The following SGK1 variants were observed in gnomAD, a reference collection of about 807,000 sequenced individuals.
The protein encoded by SGK1 is serum/glucocorticoid regulated kinase 1.
In SGK1, 26 loss-of-function variants were observed where a neutral mutation model predicts 64.2. That is an observed-to-expected ratio of 0.40 (90% CI 0.30 to 0.56). The LOEUF is 0.56. Among genes scored for constraint, SGK1 ranks in the 20% least tolerant of loss-of-function variants. The probability of loss-of-function intolerance (pLI) is 0.38; values close to 1 mark genes in which losing one functional copy is unlikely to be tolerated. For synonymous variants in SGK1, 265 were observed against 239.7 expected, an observed-to-expected ratio of 1.11 and a Z score of -0.98; for missense variants, 519 against 645.6, an observed-to-expected ratio of 0.80 and a Z score of 2.12.
At chr6:134,281,489 T>C (rs1777093940) in intron 1 of SGK1, among the ~76,000 whole-genome samples, 1 of 151,494 alleles carries the variant, frequency 6.6e-6, no homozygotes, top group Admixed American at 6.6e-5. Flanking sequence ...CAGTTAGCTT[T>C]CCAAAGATAA....
chr6:134,222,731 ACT>A (rs1355641657), intron 2 of SGK1, among the ~76,000 whole-genome samples: 10 of 151,760 alleles, frequency 6.6e-5, no homozygotes, highest in Non-Finnish European at 1.5e-5. Flanking sequence ...AATCTTCAAA[ACT>A]CTTTTCAAAT....
intron 2 of SGK1, among the ~76,000 whole-genome samples, chr6:134,228,387 ATTAG>A (rs1205937546): frequency 6.6e-6 from 1 of 152,224 alleles, no homozygotes; most frequent in Non-Finnish European, 1.5e-5. Flanking sequence ...TATGGTTAAT[ATTAG>A]TTAGAAGTAA....
intron 2 of SGK1, among the ~76,000 whole-genome samples, chr6:134,250,374 A>T (rs1202481872): frequency 1.3e-5 from 2 of 152,196 alleles, no homozygotes; most frequent in Admixed American, 1.3e-4. Flanking sequence ...ATTTCAGTTG[A>T]TTGTGATGAT....
chr6:134,188,198 T>A (rs937025217), intron 3 of SGK1, among the ~76,000 whole-genome samples: 9 of 152,220 alleles, frequency 5.9e-5, no homozygotes, highest in African/African-American at 2.2e-4. Flanking sequence ...TGAGAATTCA[T>A]GTGGACACAA....
chr6:134,206,631 C>A (rs1775790158), intron 3 of SGK1, among the ~76,000 whole-genome samples: 1 of 150,966 alleles, frequency 6.6e-6, no homozygotes, highest in African/African-American at 2.4e-5. Context: ...CTTTGGGAAG[C>A]CGAGCTCAGC....
intron 1 of SGK1, among the ~76,000 whole-genome samples, chr6:134,313,982 C>T (rs1037951960): frequency 1.3e-5 from 2 of 152,144 alleles, no homozygotes; most frequent in African/African-American, 4.8e-5. Flanking sequence ...TTTTTCCATT[C>T]ATCTTAAATG....
intron 1 of SGK1, among the ~76,000 whole-genome samples, chr6:134,311,580 G>C (rs1435837960): frequency 6.6e-6 from 1 of 152,202 alleles, no homozygotes; most frequent in East Asian, 1.9e-4. Flanking sequence ...GAACCTAGGA[G>C]CCAGAGGTTG....
chr6:134,299,212 A>T (rs1282070378), intron 1 of SGK1, among the ~76,000 whole-genome samples: 1 of 151,936 alleles, frequency 6.6e-6, no homozygotes, highest in African/African-American at 2.4e-5. Context: ...CAAAAAAAAA[A>T]AAAAAAGCCA....
chr6:134,243,327 G>A (rs968252360), intron 2 of SGK1, among the ~76,000 whole-genome samples: 1 of 151,988 alleles, frequency 6.6e-6, no homozygotes, highest in Non-Finnish European at 1.5e-5. Flanking sequence ...CATTTTCATT[G>A]TAAATTCCAG....
At chr6:134,173,687 T>C in intron 5 of SGK1, 121 bp from the exon 6 acceptor site, 1 of 685,870 alleles carries the variant, frequency 1.5e-6, no homozygotes, top group Non-Finnish European at 2.4e-6. Context: ...CATACATCTA[T>C]AAACATTCAA....
intron 3 of SGK1, among the ~76,000 whole-genome samples, chr6:134,206,967 T>G (rs1002138775): frequency 6.6e-5 from 10 of 152,026 alleles, no homozygotes; most frequent in East Asian, 1.9e-4. Flanking sequence ...GGCTCACGCC[T>G]GTAATCCCAG....
Position 134,314,916 on chromosome 6 carries a change from A to G in SGK1, c.69+2476T>C, listed in dbSNP as rs767943526. On this transcript the variant is annotated intron_variant, in intron 1 of 13. Transcript: ENST00000367858. ...ATGCAGAAATGTGTGGAACTTCAACAATAGAATATAAGAAAATGAATTATT... is the reference window on the plus strand; with the variant it reads ...ATGCAGAAATGTGTGGAACTTCAACGATAGAATATAAGAAAATGAATTATT... 1.2e-3 allele frequency among the ~76,000 whole-genome samples: 178 copies of G among 152,258 alleles called. 4 individuals are homozygous for G. The highest frequency in any genetic ancestry group is 6.5e-4 in the Non-Finnish European group (44 of 68,016).
At chr6:134,258,689 A>G (rs1776720382) in intron 2 of SGK1, among the ~76,000 whole-genome samples, 1 of 152,210 alleles carries the variant, frequency 6.6e-6, no homozygotes, top group Admixed American at 6.5e-5. Flanking sequence ...CCTGGGTGAC[A>G]GGGCGAGACT....
chr6:134,227,481 A>G (rs1776203203), intron 2 of SGK1, among the ~76,000 whole-genome samples: 1 of 152,198 alleles, frequency 6.6e-6, no homozygotes, highest in African/African-American at 2.4e-5. Context: ...CTGAAGGACT[A>G]ATGCAAGGTG....
At chr6:134,174,935 A>G (rs567487931) in intron 3 of SGK1, 1 of 1,499,818 alleles carries the variant, frequency 6.7e-7, no homozygotes, top group East Asian at 2.3e-5. Context: ...GACAGTGAGA[A>G]GTGGCCCCGC....
intron 1 of SGK1, among the ~76,000 whole-genome samples, chr6:134,269,589 C>T (rs1269471790): frequency 1.4e-5 from 2 of 144,210 alleles, no homozygotes; most frequent in Non-Finnish European, 3.0e-5. Flanking sequence ...ACCCAGGAGC[C>T]GGAGGTGGCA....
At position 134,317,872 on chromosome 6, in the gene SGK1, C is replaced by G. The variant is rs1165809903; in HGVS notation, c.-412G>C. Reference sequence around the variant, plus strand: ...GAGTCGCTCTTCTCCAGGTGATGCGCTCCTGGAGGCGGCTTGAGAGAGGAG... The same window carrying G: ...GAGTCGCTCTTCTCCAGGTGATGCGGTCCTGGAGGCGGCTTGAGAGAGGAG... On this transcript the variant is annotated 5_prime_UTR_variant, in exon 1 of 14. Coordinates refer to ENST00000367858, the MANE Select transcript of SGK1 (RefSeq NM_001143676.3). The G allele has an allele frequency of 5.8e-6, 1 of 173,868 alleles. No individual in the cohort carries two copies. Among genetic ancestry groups the G allele is most frequent in the Admixed American group, 6.2e-5 (1 of 16,160 alleles). The allele number at this position is 173,868 out of a possible 1,614,324, so 10.8% of individuals were successfully genotyped here. A position where few individuals can be genotyped will look rare whatever the true frequency, so the allele number is the denominator to read the frequency against.
At position 134,174,098 on chromosome 6, in the gene SGK1, C is replaced by T; in HGVS notation, c.438-18G>A. On this transcript the variant is annotated intron_variant, in intron 4 of 13. Coordinates refer to ENST00000367858, the MANE Select transcript of SGK1 (RefSeq NM_001143676.3). ...CTTCAGGGCTGCAGGGAATAAAGGG[C>T]ACGATTTAGAATCCAGCTCGCCACT... 1 of 1,600,954 alleles carries T rather than the reference C, an allele frequency of 6.2e-7. No individual in the cohort carries two copies. The highest frequency in any genetic ancestry group is 1.1e-5 in the South Asian group (1 of 89,676).
At chr6:134,242,884 T>C (rs1400076348) in intron 2 of SGK1, among the ~76,000 whole-genome samples, 1 of 152,172 alleles carries the variant, frequency 6.6e-6, no homozygotes, top group East Asian at 1.9e-4. Flanking sequence ...CCAAAACACA[T>C]CTTAGAATGA....
Sources: gnomAD v4.1 joint callset for allele counts (sites outside exome capture counted in the v4.1 genomes callset) on GRCh38, gnomAD v4.1.1 for gene constraint, MANE v1.5 for transcripts, NCBI Gene and HGNC (gene_info 2026-07-23, HGNC 2026-07-21) for gene names.